The following IMMP2L variants were observed in gnomAD, a reference collection of about 807,000 sequenced individuals.
The protein encoded by IMMP2L is mitochondrial inner membrane protease subunit 2.
A neutral mutation model predicts 19.3 loss-of-function variants in IMMP2L; 18 were observed. That is an observed-to-expected ratio of 0.93 (90% confidence interval 0.64 to 1.38). The LOEUF (loss-of-function observed/expected upper bound fraction) is 1.38, where lower values mean the gene tolerates loss of function less well. Among genes scored for constraint, IMMP2L ranks in the 40% most tolerant of loss-of-function variants. The pLI, the probability that IMMP2L is intolerant of heterozygous loss-of-function variation, is 0.00. For synonymous variants in IMMP2L, 76 were observed against 73.0 expected (o/e 1.04, Z -0.21); for missense variants, 233 against 218.2 (o/e 1.07, Z -0.43).
rs1471033571 is a variant in IMMP2L at position 110,902,889 on chromosome 7, G to A, written c.306-16194C>T. Among the ~76,000 whole-genome samples the A allele has an allele frequency of 3.1e-4, 10 of 32,702 alleles. 4 individuals carry two copies. In the East Asian group the frequency reaches 0.072, roughly 237 times the overall value. 21.5% of individuals were successfully genotyped at this position (32,702 alleles called of 152,430 possible). A position where few individuals can be genotyped will look rare whatever the true frequency, so the allele number is the denominator to read the frequency against. On this transcript the variant is annotated intron_variant, in intron 4 of 5. Transcript: ENST00000405709. ...GGAGCATGCAGTGAGCCGAGATTGCGCCACTGCACTCCAGCCTGGGCGACA... is the reference window on the plus strand; with the variant it reads ...GGAGCATGCAGTGAGCCGAGATTGCACCACTGCACTCCAGCCTGGGCGACA...
chr7:111,511,819 G>C lies in IMMP2L; in HGVS notation c.135+9494C>G, dbSNP rs141653195. On this transcript the variant is annotated intron_variant, in intron 2 of 5. Coordinates refer to ENST00000405709, the MANE Select transcript of IMMP2L (RefSeq NM_032549.4). Reference sequence around the variant, plus strand: ...TCCCCCAACACCATGGTGTCAGCAGGGCCCAGCAAGGAGCTGGACTTCTAA... The same window carrying C: ...TCCCCCAACACCATGGTGTCAGCAGCGCCCAGCAAGGAGCTGGACTTCTAA... Among the ~76,000 whole-genome samples the C allele has an allele frequency of 5.6e-3, 856 of 152,052 alleles. 4 individuals are homozygous for C. The highest frequency in any genetic ancestry group is 0.017 in the Middle Eastern group (5 of 294).
rs890007463 is a variant in IMMP2L, at chr7:111,408,584, G to A, written c.239+78654C>T. ...ACTGAAATGTACAATGGGACAAGAT[G>A]AGATGACAGTGTGTTTTATCTTTTT... On this transcript the variant is annotated intron_variant, in intron 3 of 5. Transcript: ENST00000405709. Among the ~76,000 whole-genome samples the A allele has an allele frequency of 1.4e-4, 21 of 151,736 alleles. 1 individual carries two copies. The highest frequency in any genetic ancestry group is 7.2e-4 in the Admixed American group (11 of 15,246).
chr7:111,398,917 A>C (rs1432554690), intron 3 of IMMP2L, among the ~76,000 whole-genome samples: 3 of 152,056 alleles, frequency 2.0e-5, no homozygotes, highest in African/African-American at 7.2e-5. Context: ...AATACAGCTA[A>C]ACAAGGAGTT....
At chr7:111,197,688 A>G (rs1401563567) in intron 3 of IMMP2L, among the ~76,000 whole-genome samples, 1 of 152,162 alleles carries the variant, frequency 6.6e-6, no homozygotes, top group Non-Finnish European at 1.5e-5. Flanking sequence ...ATATTTTAAA[A>G]CTCAGCAGAA....
intron 5 of IMMP2L, among the ~76,000 whole-genome samples, chr7:110,845,252 A>T (rs1805549678): frequency 6.6e-6 from 1 of 152,130 alleles, no homozygotes; most frequent in African/African-American, 2.4e-5. Context: ...GTTAATGTTT[A>T]TTTATAAAGA....
intron 2 of IMMP2L, among the ~76,000 whole-genome samples, chr7:111,502,002 G>T (rs1236451003): frequency 3.9e-5 from 6 of 152,066 alleles, no homozygotes; most frequent in South Asian, 2.1e-4. Context: ...TGGGCTAAAT[G>T]CTCCAATTAA....
At chr7:111,127,685 T>C (rs147001417) in intron 3 of IMMP2L, among the ~76,000 whole-genome samples, 1 of 152,260 alleles carries the variant, frequency 6.6e-6, no homozygotes, top group East Asian at 1.9e-4. Flanking sequence ...AACTTACAAT[T>C]TTGTGATATG....
At position 110,982,024 on chromosome 7, in the gene IMMP2L, T is replaced by C. The variant is rs117045713; in HGVS notation, c.240-18459A>G. On this transcript the variant is annotated intron_variant, in intron 3 of 5. Coordinates refer to ENST00000405709, the MANE Select transcript of IMMP2L (RefSeq NM_032549.4). The stretch of plus-strand genomic sequence containing the variant: ...GATAGTAGGGCATTTTATTAGGACA[T>C]TTAAGGTGAAGCATACATTGCAAGA... Among the ~76,000 whole-genome samples, 214 of 152,312 alleles carry C rather than the reference T, an allele frequency of 1.4e-3. 1 individual carries two copies. In the East Asian group the frequency reaches 0.033, roughly 23 times the overall value.
chr7:111,082,688 C>A (rs1373328914), intron 3 of IMMP2L, among the ~76,000 whole-genome samples: 1 of 152,040 alleles, frequency 6.6e-6, no homozygotes, highest in Non-Finnish European at 1.5e-5. Flanking sequence ...CTGGGGAGCA[C>A]CCCCAAAGTC....
intron 3 of IMMP2L, among the ~76,000 whole-genome samples, chr7:111,326,871 A>G (rs1825371159): frequency 6.6e-6 from 1 of 151,884 alleles, no homozygotes; most frequent in Non-Finnish European, 1.5e-5. Context: ...TTGGTATTTC[A>G]AAATAACTGA....
At chr7:110,700,180 C>T (rs1794174987) in intron 5 of IMMP2L, among the ~76,000 whole-genome samples, 1 of 152,138 alleles carries the variant, frequency 6.6e-6, no homozygotes, top group Non-Finnish European at 1.5e-5. Flanking sequence ...CGTTTCAAGC[C>T]ACTACGTTTG....
At chr7:110,834,540 C>T (rs1804259552) in intron 5 of IMMP2L, among the ~76,000 whole-genome samples, 1 of 152,078 alleles carries the variant, frequency 6.6e-6, no homozygotes, top group Non-Finnish European at 1.5e-5. Flanking sequence ...GCTTTGTGCT[C>T]CGTCCTTCCA....
chr7:110,801,202 T>G (rs1801214723), intron 5 of IMMP2L, among the ~76,000 whole-genome samples: 1 of 152,116 alleles, frequency 6.6e-6, no homozygotes, highest in Non-Finnish European at 1.5e-5. Flanking sequence ...ACTACTCATA[T>G]GCTCTAATAT....
chr7:110,764,021 C>T (rs781354202), intron 5 of IMMP2L, among the ~76,000 whole-genome samples: 9 of 152,082 alleles, frequency 5.9e-5, no homozygotes, highest in South Asian at 2.1e-4. Flanking sequence ...AGATTAATGA[C>T]GTTTTACTCA....
At chr7:110,672,422 T>A (rs138477965) in intron 5 of IMMP2L, among the ~76,000 whole-genome samples, 1 of 152,122 alleles carries the variant, frequency 6.6e-6, no homozygotes, top group East Asian at 1.9e-4. Context: ...AACCATATCA[T>A]TCCACACCCA....
chr7:111,014,249 G>C (rs1585749508), intron 3 of IMMP2L, among the ~76,000 whole-genome samples: 1 of 152,082 alleles, frequency 6.6e-6, no homozygotes, highest in East Asian at 1.9e-4. Context: ...CAGCTACTCA[G>C]AAGGCTGAGG....
intron 1 of IMMP2L, among the ~76,000 whole-genome samples, chr7:111,552,092 G>T (rs1240640490): frequency 2.6e-5 from 4 of 152,040 alleles, no homozygotes; most frequent in African/African-American, 4.8e-5. Flanking sequence ...CCAGAGATGT[G>T]AGAAACTTGA....
At chr7:111,048,976 C>T (rs1031221511) in intron 3 of IMMP2L, among the ~76,000 whole-genome samples, 27 of 152,208 alleles carry the variant, frequency 1.8e-4, no homozygotes, top group African/African-American at 6.3e-4. Flanking sequence ...AGAGTTGTTA[C>T]ACTGCCATGC....
chr7:111,507,558 G>T (rs1236613920), intron 2 of IMMP2L, among the ~76,000 whole-genome samples: 2 of 151,944 alleles, frequency 1.3e-5, no homozygotes, highest in Non-Finnish European at 2.9e-5. Flanking sequence ...TTTGCCATTT[G>T]TCCAGCGTCT....
Sources: allele counts gnomAD v4.1 joint callset (sites outside exome capture counted in the v4.1 genomes callset), GRCh38; gene constraint gnomAD v4.1.1; transcripts MANE v1.5; gene names NCBI Gene and HGNC (gene_info 2026-07-23, HGNC 2026-07-21).